ADAMTS20: variants seen among roughly 807,000 people sequenced by gnomAD.
ADAMTS20 encodes ADAM metallopeptidase with thrombospondin type 1 motif 20.
ADAMTS20 carries 225 observed loss-of-function variants against 260.1 expected under a neutral mutation model. The observed-to-expected ratio is 0.87, with a 90% CI of 0.78 to 0.97. The LOEUF is 0.97. Among genes scored for constraint, ADAMTS20 ranks in the 50% least tolerant of loss-of-function variants. ADAMTS20 has a pLI of 0.00. For synonymous variants in ADAMTS20, 802 were observed against 769.5 expected, an observed-to-expected ratio of 1.04 and a Z score of -0.70; for missense variants, 2,400 against 2,337.7, an observed-to-expected ratio of 1.03 and a Z score of -0.55.
intron 18 of ADAMTS20, among the ~76,000 whole-genome samples, chr12:43,434,980 A>C (rs919531231): frequency 1.3e-5 from 2 of 152,200 alleles, no homozygotes; most frequent in Non-Finnish European, 1.5e-5. Context: ...AGGCATAGAC[A>C]GGCAATAAAA....
At chr12:43,375,339 T>C in intron 36 of ADAMTS20, 40 bp downstream of exon 36, 1 of 1,596,648 alleles carries the variant, frequency 6.3e-7, no homozygotes, top group African/African-American at 1.4e-5. Flanking sequence ...CATAAGCAAA[T>C]GGAGGCTTTT....
At chr12:43,471,041 A>G (rs902341538) in intron 7 of ADAMTS20, among the ~76,000 whole-genome samples, 1 of 152,162 alleles carries the variant, frequency 6.6e-6, no homozygotes, top group Non-Finnish European at 1.5e-5. Context: ...GCGACGCAGA[A>G]GACGGGTGAT....
chr12:43,424,433 A>T (rs536782375), intron 28 of ADAMTS20, among the ~76,000 whole-genome samples: 1 of 152,306 alleles, frequency 6.6e-6, no homozygotes, highest in African/African-American at 2.4e-5. Flanking sequence ...CATAATCTAT[A>T]GATTATTACA....
chr12:43,354,622 G>A (rs1160207352), intron 38 of ADAMTS20, among the ~76,000 whole-genome samples: 1 of 152,006 alleles, frequency 6.6e-6, no homozygotes, highest in East Asian at 1.9e-4. Flanking sequence ...GTATGTATTT[G>A]CTTCAGTGAG....
chr12:43,464,297 T>C (rs1942115183), intron 10 of ADAMTS20, among the ~76,000 whole-genome samples: 1 of 152,086 alleles, frequency 6.6e-6, no homozygotes, highest in African/African-American at 2.4e-5. Context: ...TGAAAATAAA[T>C]ATTTCAATGA....
intron 7 of ADAMTS20, among the ~76,000 whole-genome samples, chr12:43,470,077 A>G (rs897549187): frequency 6.6e-6 from 1 of 152,210 alleles, no homozygotes; most frequent in African/African-American, 2.4e-5. Flanking sequence ...TAGAGAAATT[A>G]TTTCCTCTGT....
At chr12:43,449,032 G>T (rs1000517516) in intron 14 of ADAMTS20, among the ~76,000 whole-genome samples, 4 of 152,146 alleles carry the variant, frequency 2.6e-5, no homozygotes, top group African/African-American at 9.7e-5. Context: ...ATACACCGTT[G>T]GTGGGAGTGT....
intron 15 of ADAMTS20, among the ~76,000 whole-genome samples, chr12:43,444,957 C>A (rs933390807): frequency 6.6e-6 from 1 of 152,116 alleles, no homozygotes; most frequent in Non-Finnish European, 1.5e-5. Context: ...ATTCGGTATA[C>A]ACTATATGCC....
Position 43,552,050 on chromosome 12 carries a change from A to G in ADAMTS20, c.-129T>C. On this transcript the variant is annotated 5_prime_UTR_variant, in exon 1 of 39. Coordinates refer to ENST00000389420, the MANE Select transcript of ADAMTS20 (RefSeq NM_025003.5). ...TCTCCGCGCCTCAGCAGCCTAGGGAACAGCAGCGCGGGCCCTGGGCCGGCT... is the reference window on the plus strand; with the variant it reads ...TCTCCGCGCCTCAGCAGCCTAGGGAGCAGCAGCGCGGGCCCTGGGCCGGCT... 1.3e-6 allele frequency: 1 copy of G among 749,876 alleles called. No individual in the cohort carries two copies. The highest frequency in any genetic ancestry group is 2.2e-6 in the Non-Finnish European group (1 of 450,076). The allele number at this position is 749,876 out of a possible 1,614,324, so 46.5% of individuals were successfully genotyped here.
chr12:43,370,904 T>C (rs944376464), intron 36 of ADAMTS20, among the ~76,000 whole-genome samples: 2 of 152,230 alleles, frequency 1.3e-5, no homozygotes, highest in South Asian at 2.1e-4. Context: ...CCAGTACTCA[T>C]CACTTTTTAT....
intron 23 of ADAMTS20, among the ~76,000 whole-genome samples, chr12:43,429,969 C>G (rs1330370320): frequency 1.3e-5 from 2 of 152,060 alleles, no homozygotes; most frequent in Non-Finnish European, 2.9e-5. Flanking sequence ...GAGCTTCAGT[C>G]CTTTAAAAAT....
chr12:43,358,089 G>A (rs950698366), intron 37 of ADAMTS20, among the ~76,000 whole-genome samples: 1 of 152,148 alleles, frequency 6.6e-6, no homozygotes, highest in African/African-American at 2.4e-5. Context: ...TAAATTTCTT[G>A]TAACCAGATG....
intron 29 of ADAMTS20, among the ~76,000 whole-genome samples, chr12:43,390,979 A>G (rs1428890353): frequency 6.6e-6 from 1 of 151,926 alleles, no homozygotes; most frequent in Non-Finnish European, 1.5e-5. Flanking sequence ...ATTTTTTTTT[A>G]TCTTAGTCTA....
chr12:43,418,640 CA>C (rs1453973283), intron 28 of ADAMTS20, among the ~76,000 whole-genome samples: 4 of 152,144 alleles, frequency 2.6e-5, no homozygotes, highest in Admixed American at 2.6e-4. Flanking sequence ...AACTTTGAAG[CA>C]AACATTTCAG....
Position 43,383,706 on chromosome 12 carries a change from T to G in ADAMTS20, c.4649A>C (p.Lys1550Thr), listed in dbSNP as rs147335748. The change falls in exon 31 of 39, where the codon AAA (lysine) becomes ACA (threonine). Residue 1550 changes from lysine to threonine, a missense_variant. Physicochemically the swap from Lys to Thr is moderately conservative, Grantham distance 78. Coordinates refer to ENST00000389420, the MANE Select transcript of ADAMTS20 (RefSeq NM_025003.5). ...RLNCSTSCER[K>T]DSHQRMECTD... Reference sequence around the variant, plus strand: ...GCACTCCATTCGTTGATGTGAATCTTTTCTCTCACATGATGTTGAACACTA... The same window carrying G: ...GCACTCCATTCGTTGATGTGAATCTGTTCTCTCACATGATGTTGAACACTA... The G allele has an allele frequency of 8.1e-6, 13 of 1,613,796 alleles. No individual in the cohort carries two copies. In the African/African-American group the frequency reaches 1.5e-4, roughly 18 times the overall value.
At chr12:43,437,365 T>A (rs148977618) in intron 18 of ADAMTS20, among the ~76,000 whole-genome samples, 2 of 152,134 alleles carry the variant, frequency 1.3e-5, no homozygotes. Flanking sequence ...CATGATAAAT[T>A]TCTCAAGACA....
intron 28 of ADAMTS20, among the ~76,000 whole-genome samples, chr12:43,406,836 A>G (rs1940928564): frequency 6.6e-6 from 1 of 152,072 alleles, no homozygotes; most frequent in African/African-American, 2.4e-5. Context: ...ACATTAAAGT[A>G]GCTATAATAG....
chr12:43,516,625 T>C (rs1042476435), intron 3 of ADAMTS20, among the ~76,000 whole-genome samples: 1 of 152,140 alleles, frequency 6.6e-6, no homozygotes, highest in Non-Finnish European at 1.5e-5. Flanking sequence ...GAGTATCAAC[T>C]GTATAAAACA....
At chr12:43,463,028 A>C in intron 10 of ADAMTS20, 29 bp from the exon 11 acceptor site, 1 of 1,519,038 alleles carries the variant, frequency 6.6e-7, no homozygotes, top group Non-Finnish European at 9.0e-7. Context: ...CAGGCAAGCC[A>C]GTGTAAAGAT....
Sources: allele counts gnomAD v4.1 joint callset (sites outside exome capture counted in the v4.1 genomes callset), GRCh38; gene constraint gnomAD v4.1.1; transcripts MANE v1.5; gene names NCBI Gene and HGNC (gene_info 2026-07-23, HGNC 2026-07-21).